The following AFP variants were observed in gnomAD, a reference collection of about 807,000 sequenced individuals.
AFP encodes alpha fetoprotein.
In AFP, 64 loss-of-function variants were observed where a neutral mutation model predicts 78.9. The ratio of observed to expected loss-of-function variants is 0.81; its 90% CI spans 0.66 to 1.00. The LOEUF is 1.00. AFP is among the 50% of genes least tolerant of loss of function. AFP has a pLI of 0.00. For synonymous variants in AFP, 254 were observed against 243.8 expected (o/e 1.04, Z -0.39); for missense variants, 689 against 703.8 (o/e 0.98, Z 0.24).
At chr4:73,449,862 C>T (rs1276619128) in intron 9 of AFP, among the ~76,000 whole-genome samples, 174 bp from the exon 10 acceptor site, 1 of 152,150 alleles carries the variant, frequency 6.6e-6, no homozygotes, top group Non-Finnish European at 1.5e-5. Context: ...AAATGTTAAA[C>T]TTAATCTCCC....
chr4:73,455,858 G>T lies in AFP; in HGVS notation c.*238G>T. On this transcript the variant is annotated 3_prime_UTR_variant, in exon 15 of 15. Coordinates refer to ENST00000395792, the MANE Select transcript of AFP (RefSeq NM_001134.3). The stretch of plus-strand genomic sequence containing the variant: ...TATACCATTGTCTGAAGCAGATTCT[G>T]TTAAAATAGCATTAAGTGTTGGTTA... The T allele has an allele frequency of 1.8e-6, 1 of 555,466 alleles. No homozygotes were observed. The highest frequency in any genetic ancestry group is 3.2e-6 in the Non-Finnish European group (1 of 317,382). The allele number at this position is 555,466 out of a possible 1,614,324, so 34.4% of individuals were successfully genotyped here. A position where few individuals can be genotyped will look rare whatever the true frequency, so the allele number is the denominator to read the frequency against.
chr4:73,445,592 G>T (rs1719797282), intron 7 of AFP, among the ~76,000 whole-genome samples: 2 of 152,126 alleles, frequency 1.3e-5, no homozygotes, highest in African/African-American at 2.4e-5. Context: ...TGACCTCCTT[G>T]GAGTTAGGGA....
intron 3 of AFP, 152 bp downstream of exon 3, chr4:73,438,458 A>C (rs1365350956): frequency 5.9e-6 from 5 of 849,206 alleles, no homozygotes; most frequent in East Asian, 5.4e-5. Flanking sequence ...ATTGCTAAAG[A>C]GGGCAGAAGA....
At chr4:73,437,307 A>G (rs1405156273) in intron 2 of AFP, 96 bp downstream of exon 2, 18 of 965,226 alleles carry the variant, frequency 1.9e-5, no homozygotes, top group Non-Finnish European at 2.9e-5. Flanking sequence ...TCTTAAAAGC[A>G]CAAAAGCAAT....
At chr4:73,450,580 C>T in intron 10 of AFP, 35 bp from the exon 11 acceptor site, 1 of 1,613,962 alleles carries the variant, frequency 6.2e-7, no homozygotes, top group Non-Finnish European at 8.5e-7. Context: ...TCATGAATGA[C>T]TCAGCAGGAC....
chr4:73,440,204 T>C (rs1003784608), intron 3 of AFP, among the ~76,000 whole-genome samples: 1 of 152,042 alleles, frequency 6.6e-6, no homozygotes, highest in Non-Finnish European at 1.5e-5. Context: ...CCTAATGCTC[T>C]CCCTCCCTGC....
At chr4:73,437,291 G>A (rs1455285654) in intron 2 of AFP, 80 bp downstream of exon 2, 6 of 1,186,152 alleles carry the variant, frequency 5.1e-6, no homozygotes, top group Non-Finnish European at 7.4e-6. Flanking sequence ...GGGTACCCCT[G>A]TGAGCTCTTA....
At position 73,450,067 on chromosome 4, in the gene AFP, G is replaced by C. The variant is rs1560396873; in HGVS notation, c.1223G>C (p.Ser408Thr). The C allele has an allele frequency of 1.9e-6, 3 of 1,613,642 alleles. No homozygotes were observed. Among genetic ancestry groups the C allele is most frequent in the Non-Finnish European group, 2.5e-6 (3 of 1,179,660 alleles). The change falls in exon 10 of 15, where the codon AGC (serine) becomes ACC (threonine). Residue 408 changes from serine (S) to threonine (T), a missense_variant. Ser to Thr is a moderately conservative substitution (Grantham distance 58, BLOSUM62 1). Coordinates refer to ENST00000395792, the MANE Select transcript of AFP (RefSeq NM_001134.3). ...GAATTACAGAAATACATCCAGGAGA[G>C]CCAAGCATTGGCAAAGCGAAGCTGC... Reference protein sequence around the residue: ...EEELQKYIQESQALAKRSCGL... With the variant: ...EEELQKYIQETQALAKRSCGL...
chr4:73,438,776 T>A (rs1177522714), intron 3 of AFP, among the ~76,000 whole-genome samples: 2 of 152,134 alleles, frequency 1.3e-5, no homozygotes, highest in Non-Finnish European at 2.9e-5. Context: ...TGAATCAGAA[T>A]GGTTGTCCAG....
Position 73,450,660 on chromosome 4 carries a change from G to A in AFP, c.1335G>A (p.Ser445=), listed in dbSNP as rs1894264. The change falls in exon 11 of 15, where the codon TCG becomes TCA. Residue 445 remains serine (S), a synonymous_variant. Coordinates refer to ENST00000395792, the MANE Select transcript of AFP (RefSeq NM_001134.3). ...AGAAAGCCCCCCAGCTGACCTCGTCGGAGCTGATGGCCATCACCAGAAAAA... is the reference window on the plus strand; with the variant it reads ...AGAAAGCCCCCCAGCTGACCTCGTCAGAGCTGATGGCCATCACCAGAAAAA... ...YTKKAPQLTS[S]ELMAITRKMA... 5.2e-3 allele frequency: 8,319 copies of A among 1,614,072 alleles called. 405 individuals carry two copies. The African/African-American group carries it at 0.098, about 19-fold the overall frequency.
intron 3 of AFP, among the ~76,000 whole-genome samples, chr4:73,440,021 T>A (rs1719614810): frequency 6.6e-6 from 1 of 152,128 alleles, no homozygotes; most frequent in South Asian, 2.1e-4. Flanking sequence ...ATGAGAATCA[T>A]GAAAATATTA....
At chr4:73,442,477 A>C in intron 5 of AFP, 49 bp downstream of exon 5, 2 of 1,603,722 alleles carry the variant, frequency 1.2e-6, no homozygotes, top group Non-Finnish European at 1.7e-6. Flanking sequence ...TCTATGACTC[A>C]TTAAAACAAA....
intron 2 of AFP, 84 bp downstream of exon 2, chr4:73,437,295 G>A (rs1719536125): frequency 9.2e-7 from 1 of 1,091,830 alleles, no homozygotes; most frequent in Admixed American, 1.9e-5. Context: ...ACCCCTGTGA[G>A]CTCTTAAAAG....
Position 73,445,611 on chromosome 4 carries a change from G to T in AFP, c.843+489G>T, listed in dbSNP as rs138167813. On this transcript the variant is annotated intron_variant, in intron 7 of 14. Coordinates refer to ENST00000395792, the MANE Select transcript of AFP (RefSeq NM_001134.3). ...CTCCTTGGAGTTAGGGACTGCCTTG[G>T]TTTACTGTTATCTCCATAGCACAAT... Among the ~76,000 whole-genome samples, 329 of 152,238 alleles carry T rather than the reference G, an allele frequency of 2.2e-3. 1 individual carries two copies. The highest frequency in any genetic ancestry group is 1.7e-3 in the Non-Finnish European group (119 of 68,014).
At chr4:73,437,530 T>A (rs1719541941) in intron 2 of AFP, among the ~76,000 whole-genome samples, 2 of 152,116 alleles carry the variant, frequency 1.3e-5, no homozygotes, top group Admixed American at 1.3e-4. Flanking sequence ...AACAGGGTGA[T>A]ATTATAATGT....
At chr4:73,436,577 T>C (rs1719511759) in intron 1 of AFP, among the ~76,000 whole-genome samples, 1 of 151,684 alleles carries the variant, frequency 6.6e-6, no homozygotes, top group African/African-American at 2.4e-5. Flanking sequence ...TCATGTTGAA[T>C]TAATTTTTAC....
rs1720141777 is a variant in AFP at position 73,455,719 on chromosome 4, A to T, written c.*99A>T. The T allele has an allele frequency of 2.9e-6, 2 of 687,084 alleles. No individual in the cohort carries two copies. Among genetic ancestry groups the T allele is most frequent in the Non-Finnish European group, 5.3e-6 (2 of 380,500 alleles). 42.6% of individuals were successfully genotyped at this position (687,084 alleles called of 1,614,324 possible). A position where few individuals can be genotyped will look rare whatever the true frequency, so the allele number is the denominator to read the frequency against. On this transcript the variant is annotated 3_prime_UTR_variant, in exon 15 of 15. Coordinates refer to ENST00000395792, the MANE Select transcript of AFP (RefSeq NM_001134.3). ...TTAACACTTTTTGTGAATTAATGAA[A>T]TGATAAAGACTTTTATGTGAGATTT...
At chr4:73,448,077 A>C (rs1483200191) in intron 8 of AFP, among the ~76,000 whole-genome samples, 3 of 152,182 alleles carry the variant, frequency 2.0e-5, no homozygotes, top group Non-Finnish European at 2.9e-5. Flanking sequence ...CGCATGTTAA[A>C]AAAAAAACTT....
chr4:73,453,908 C>A lies in AFP; in HGVS notation c.1785+11C>A. On this transcript the variant is annotated intron_variant, in intron 13 of 14. Coordinates refer to ENST00000395792, the MANE Select transcript of AFP (RefSeq NM_001134.3). ...TGCTTTGCTGAAGAGGTACATGCAG[C>A]TCATTTCATACTCAAAATACTTGCT... is the stretch of plus-strand genomic sequence containing the variant. 6.2e-7 allele frequency: 1 copy of A among 1,613,390 alleles called. No homozygotes were observed. The highest frequency in any genetic ancestry group is 8.5e-7 in the Non-Finnish European group (1 of 1,179,480).
Sources: gnomAD v4.1 joint callset for allele counts (sites outside exome capture counted in the v4.1 genomes callset) on GRCh38, gnomAD v4.1.1 for gene constraint, MANE v1.5 for transcripts, NCBI Gene and HGNC (gene_info 2026-07-23, HGNC 2026-07-21) for gene names.